Variants in MIPEP observed in about 807,000 individuals in gnomAD.
MIPEP encodes mitochondrial intermediate peptidase.
Under a neutral mutation model 90.3 loss-of-function variants are expected in MIPEP, and 79 were observed. The ratio of observed to expected loss-of-function variants is 0.87; its 90% CI spans 0.73 to 1.05. The LOEUF is 1.05. MIPEP is among the 50% of genes least tolerant of loss of function. MIPEP has a pLI of 0.00. For missense variants in MIPEP, 940 were observed against 905.6 expected (o/e 1.04, Z -0.49); for synonymous variants, 334 against 315.8 (o/e 1.06, Z -0.61).
intron 16 of MIPEP, among the ~76,000 whole-genome samples, chr13:23,766,934 C>T (rs35221593): frequency 0.19 from 28,511 of 152,186 alleles, 3,286 homozygotes; most frequent in South Asian, 0.32. Flanking sequence ...GTCTCCATCT[C>T]GCTAGCAAGC....
chr13:23,839,830 A>C (rs1869219655), intron 11 of MIPEP, 104 bp from the exon 12 acceptor site: 2 of 694,314 alleles, frequency 2.9e-6, no homozygotes, highest in Non-Finnish European at 4.8e-6. Flanking sequence ...ACACATATAG[A>C]CATTTTAATT....
chr13:23,858,803 A>C, intron 10 of MIPEP, 57 bp downstream of exon 10: 1 of 1,482,184 alleles, frequency 6.7e-7, no homozygotes, highest in Non-Finnish European at 9.4e-7. Context: ...GTAGCTGCTG[A>C]ATAAACATTA....
intron 16 of MIPEP, among the ~76,000 whole-genome samples, chr13:23,800,082 C>A (rs1453661797): frequency 6.6e-6 from 1 of 152,194 alleles, no homozygotes; most frequent in Non-Finnish European, 1.5e-5. Context: ...CACAGCCTCA[C>A]CACCCAAACC....
At chr13:23,740,608 G>C (rs963790537) in intron 18 of MIPEP, among the ~76,000 whole-genome samples, 3 of 152,112 alleles carry the variant, frequency 2.0e-5, no homozygotes, top group Non-Finnish European at 4.4e-5. Flanking sequence ...TGTAGACCCA[G>C]GATTTGTACC....
chr13:23,768,678 T>C (rs1952617832), intron 16 of MIPEP, among the ~76,000 whole-genome samples: 1 of 152,168 alleles, frequency 6.6e-6, no homozygotes, highest in Non-Finnish European at 1.5e-5. Context: ...GAGGTGGCAG[T>C]GAGCTGAGAT....
intron 10 of MIPEP, among the ~76,000 whole-genome samples, chr13:23,856,304 T>G (rs868021245): frequency 1.3e-5 from 2 of 152,178 alleles, no homozygotes; most frequent in African/African-American, 4.8e-5. Flanking sequence ...GTTCTGCCTT[T>G]GAGACAGAAA....
At chr13:23,824,437 A>G (rs1171681578) in intron 14 of MIPEP, among the ~76,000 whole-genome samples, 1 of 152,230 alleles carries the variant, frequency 6.6e-6, no homozygotes, top group Non-Finnish European at 1.5e-5. Flanking sequence ...TGAAGCAGAG[A>G]ACTCCTACTG....
chr13:23,868,648 C>T, intron 7 of MIPEP, among the ~76,000 whole-genome samples: 1 of 152,138 alleles, frequency 6.6e-6, no homozygotes, highest in East Asian at 1.9e-4. Flanking sequence ...GCTCCATCAT[C>T]ACGGCCACCC....
rs1871192244 is a variant in MIPEP at position 23,879,323 on chromosome 13, A to G, written c.484T>C (p.Leu162=). The change falls in exon 4 of 19, where the codon TTG becomes CTG. Residue 162 remains leucine, a synonymous_variant. Coordinates refer to ENST00000382172, the MANE Select transcript of MIPEP (RefSeq NM_005932.4). ...TTTTTATCAGCTAGTAATTTTTGCAAACTTTGATATAAATCCACATTTGTG... is the reference window on the plus strand; with the variant it reads ...TTTTTATCAGCTAGTAATTTTTGCAGACTTTGATATAAATCCACATTTGTG... ...LNTNVDLYQS[L]QKLLADKKLV... The G allele has an allele frequency of 3.1e-6, 5 of 1,600,156 alleles. No homozygotes were observed. The East Asian group carries it at 1.1e-4, about 36-fold the overall frequency.
chr13:23,807,055 C>A (rs925936006), intron 15 of MIPEP, among the ~76,000 whole-genome samples: 2 of 152,070 alleles, frequency 1.3e-5, no homozygotes, highest in Non-Finnish European at 2.9e-5. Context: ...ACAAAGGAAG[C>A]AGCTGCTGTA....
chr13:23,844,365 C>G (rs1346046506), intron 10 of MIPEP, among the ~76,000 whole-genome samples: 1 of 152,086 alleles, frequency 6.6e-6, no homozygotes, highest in Non-Finnish European at 1.5e-5. Context: ...TTGAAAGTCA[C>G]CACTCCATCC....
chr13:23,737,867 A>G lies in MIPEP; in HGVS notation c.2045-7422T>C, dbSNP rs556443797. On this transcript the variant is annotated intron_variant, in intron 18 of 18. Coordinates refer to ENST00000382172, the MANE Select transcript of MIPEP (RefSeq NM_005932.4). ...AATTTCATAAATACAGGGGATTACC[A>G]GGCAATTAAAAAGTAGAATTATTTT... Among the ~76,000 whole-genome samples the G allele has an allele frequency of 7.2e-5, 11 of 152,356 alleles. No homozygotes were observed. In the South Asian group the frequency reaches 2.3e-3, roughly 32 times the overall value.
chr13:23,743,131 G>C (rs1170654866), intron 18 of MIPEP, among the ~76,000 whole-genome samples: 25 of 152,208 alleles, frequency 1.6e-4, no homozygotes, highest in Non-Finnish European at 3.2e-4. Context: ...GAGTGAAAAG[G>C]AGGTTTGAGT....
At chr13:23,840,062 T>C (rs1288782135) in intron 11 of MIPEP, among the ~76,000 whole-genome samples, 1 of 152,184 alleles carries the variant, frequency 6.6e-6, no homozygotes, top group Non-Finnish European at 1.5e-5. Context: ...GAGCAAATTA[T>C]TTTTCCTTCA....
intron 12 of MIPEP, among the ~76,000 whole-genome samples, chr13:23,839,314 C>T (rs1869193477): frequency 6.6e-6 from 1 of 152,120 alleles, no homozygotes; most frequent in Non-Finnish European, 1.5e-5. Flanking sequence ...ATGTGAGTAA[C>T]TAGTCAAAAG....
intron 10 of MIPEP, among the ~76,000 whole-genome samples, chr13:23,856,029 T>G (rs1281110280): frequency 6.6e-6 from 1 of 152,218 alleles, no homozygotes; most frequent in Non-Finnish European, 1.5e-5. Flanking sequence ...CAAGTTTGAA[T>G]AGGGGCTATG....
intron 14 of MIPEP, among the ~76,000 whole-genome samples, chr13:23,827,374 T>C (rs1017566845): frequency 2.0e-5 from 3 of 152,216 alleles, no homozygotes; most frequent in African/African-American, 7.2e-5. Flanking sequence ...GCAAAGTTTA[T>C]CTGAGAAGAA....
At chr13:23,740,569 G>C (rs1374271496) in intron 18 of MIPEP, among the ~76,000 whole-genome samples, 1 of 152,006 alleles carries the variant, frequency 6.6e-6, no homozygotes, top group East Asian at 1.9e-4. Flanking sequence ...AGGGAACACT[G>C]ATCTTTTTGT....
intron 8 of MIPEP, among the ~76,000 whole-genome samples, chr13:23,863,334 G>A (rs952957712): frequency 2.6e-5 from 4 of 152,190 alleles, no homozygotes; most frequent in Non-Finnish European, 5.9e-5. Flanking sequence ...AGGGGAGGCA[G>A]GAATACAGGT....
Sources: gnomAD v4.1 joint callset for allele counts (sites outside exome capture counted in the v4.1 genomes callset) on GRCh38, gnomAD v4.1.1 for gene constraint, MANE v1.5 for transcripts, NCBI Gene and HGNC (gene_info 2026-07-23, HGNC 2026-07-21) for gene names.